QRICH1: variants seen among roughly 807,000 people sequenced by gnomAD.
QRICH1 encodes glutamine rich 1, also known as transcriptional regulator QRICH1.
A neutral mutation model predicts 87.1 loss-of-function variants in QRICH1; 16 were observed. The observed-to-expected ratio is 0.18, with a 90% CI of 0.12 to 0.28. QRICH1 has a LOEUF of 0.28. Ranked by LOEUF, QRICH1 falls within the 10% of genes least tolerant of loss-of-function variation. The probability of loss-of-function intolerance (pLI) is 1.00; values close to 1 mark genes in which losing one functional copy is unlikely to be tolerated. For missense variants in QRICH1, 647 were observed against 951.7 expected, an observed-to-expected ratio of 0.68 and a Z score of 4.21; for synonymous variants, 367 against 368.4, an observed-to-expected ratio of 1.00 and a Z score of 0.05.
At chr3:49,088,445 G>A (rs920893459) in intron 1 of QRICH1, among the ~76,000 whole-genome samples, 2 of 151,576 alleles carry the variant, frequency 1.3e-5, no homozygotes, top group South Asian at 2.1e-4. Flanking sequence ...ACAGGCGCAC[G>A]CCACCCAGCC....
intron 1 of QRICH1, among the ~76,000 whole-genome samples, chr3:49,080,093 T>C (rs1167649776): frequency 6.6e-6 from 1 of 151,730 alleles, no homozygotes; most frequent in African/African-American, 2.4e-5. Flanking sequence ...TATGAAACTC[T>C]AATATCTAAT....
At chr3:49,047,345 G>C in intron 3 of QRICH1, 99 bp from the exon 4 acceptor site, 1 of 1,177,482 alleles carries the variant, frequency 8.5e-7, no homozygotes, top group East Asian at 2.4e-5. Flanking sequence ...ATTTATTTAA[G>C]AAAATATTTC....
intron 3 of QRICH1, among the ~76,000 whole-genome samples, chr3:49,049,237 A>G (rs565137126): frequency 2.3e-4 from 35 of 151,426 alleles, no homozygotes; most frequent in Admixed American, 1.6e-3. Context: ...GCCACAGTTG[A>G]GCCATCATTT....
Position 49,033,271 on chromosome 3 carries a change from G to A in QRICH1, c.1787-43C>T, listed in dbSNP as rs565909066. ...CTGTCACAACAAGAGGATGGCAGGT[G>A]GTCTCTCAAAGGTACAATATGGGAT... On this transcript the variant is annotated intron_variant, in intron 6 of 9. Coordinates refer to ENST00000395443, the MANE Select transcript of QRICH1 (RefSeq NM_198880.3). The A allele has an allele frequency of 2.2e-5, 29 of 1,321,524 alleles. No homozygotes were observed. In the African/African-American group the frequency reaches 3.2e-4, roughly 14 times the overall value. The allele number at this position is 1,321,524 out of a possible 1,614,324, so 81.9% of individuals were successfully genotyped here. A position where few individuals can be genotyped will look rare whatever the true frequency, so the allele number is the denominator to read the frequency against.
At chr3:49,067,272 A>G (rs1232215432) in intron 2 of QRICH1, among the ~76,000 whole-genome samples, 2 of 152,156 alleles carry the variant, frequency 1.3e-5, no homozygotes, top group African/African-American at 2.4e-5. Context: ...ATAAGAGTTA[A>G]GAGTAAATTT....
At chr3:49,063,027 A>G (rs1447417218) in intron 2 of QRICH1, among the ~76,000 whole-genome samples, 1 of 151,582 alleles carries the variant, frequency 6.6e-6, no homozygotes, top group African/African-American at 2.4e-5. Context: ...AGGTTTTGAG[A>G]TCACAGACTT....
chr3:49,081,809 C>G (rs2042066595), intron 1 of QRICH1, among the ~76,000 whole-genome samples: 1 of 150,160 alleles, frequency 6.7e-6, no homozygotes, highest in Non-Finnish European at 1.5e-5. Context: ...CCGAAGCCTT[C>G]TATTTTTTTT....
intron 1 of QRICH1, among the ~76,000 whole-genome samples, chr3:49,084,397 G>A (rs1489661814): frequency 6.6e-6 from 1 of 151,292 alleles, no homozygotes; most frequent in East Asian, 2.0e-4. Flanking sequence ...CTGGGATTAC[G>A]GGCACCCGCC....
At chr3:49,035,594 G>A (rs2093269602) in intron 6 of QRICH1, among the ~76,000 whole-genome samples, 1 of 151,730 alleles carries the variant, frequency 6.6e-6, no homozygotes, top group Non-Finnish European at 1.5e-5. Context: ...CTTGAACCCA[G>A]GAGTTCAAGA....
chr3:49,079,930 G>A (rs546893061), intron 1 of QRICH1, among the ~76,000 whole-genome samples: 1 of 151,858 alleles, frequency 6.6e-6, no homozygotes, highest in Non-Finnish European at 1.5e-5. Context: ...TCGGGAGGCC[G>A]AGGCAGGAGA....
chr3:49,049,099 T>C (rs866276716), intron 3 of QRICH1, among the ~76,000 whole-genome samples: 12 of 151,990 alleles, frequency 7.9e-5, no homozygotes, highest in Middle Eastern at 3.4e-3. Context: ...ACGGCTGTTA[T>C]TGAACCATCT....
rs377518246 is a variant in QRICH1, at chr3:49,077,012, A to G, written c.6T>C (p.Asn2=). The G allele has an allele frequency of 6.1e-6, 9 of 1,475,930 alleles. No individual in the cohort carries two copies. Among genetic ancestry groups the G allele is most frequent in the Non-Finnish European group, 8.2e-6 (9 of 1,101,270 alleles). 91.4% of individuals were successfully genotyped at this position (1,475,930 alleles called of 1,614,324 possible). A position where few individuals can be genotyped will look rare whatever the true frequency, so the allele number is the denominator to read the frequency against. The part of the protein sequence containing the change: M[N]NSLENTISFE... ...AGGAGATGGTGTTCTCTAGGGAATT[A>G]TTCATATTGCAGAGTCCTTAGGGTT... The change falls in exon 2 of 10, where the codon AAT becomes AAC. Residue 2 remains asparagine (N), a synonymous_variant. Coordinates refer to ENST00000395443, the MANE Select transcript of QRICH1 (RefSeq NM_198880.3).
In QRICH1 at chr3:49,056,718, C is replaced by T. The variant is rs774196822; in HGVS notation, c.1338+144G>A. The T allele has an allele frequency of 5.1e-6, 7 of 1,371,736 alleles. No homozygotes were observed. The South Asian group carries it at 8.1e-5, about 16-fold the overall frequency. 85.0% of individuals were successfully genotyped at this position (1,371,736 alleles called of 1,614,324 possible). A position where few individuals can be genotyped will look rare whatever the true frequency, so the allele number is the denominator to read the frequency against. ...TGTTGCATAGCCTCACGTGATGTTTCTCCCCCTCTTCTCCCAAATACTAAA... is the reference window on the plus strand; with the variant it reads ...TGTTGCATAGCCTCACGTGATGTTTTTCCCCCTCTTCTCCCAAATACTAAA... On this transcript the variant is annotated intron_variant, in intron 3 of 9. Coordinates refer to ENST00000395443, the MANE Select transcript of QRICH1 (RefSeq NM_198880.3).
chr3:49,061,357 A>C (rs2093433798), intron 2 of QRICH1, among the ~76,000 whole-genome samples: 2 of 152,096 alleles, frequency 1.3e-5, no homozygotes, highest in Non-Finnish European at 2.9e-5. Context: ...CCAATAATTT[A>C]ATCTGAGCAA....
At chr3:49,087,837 A>AAAAAAAAAAAAAAAAAC (rs1283148564) in intron 1 of QRICH1, among the ~76,000 whole-genome samples, 3 of 149,510 alleles carry the variant, frequency 2.0e-5, no homozygotes, top group South Asian at 2.1e-4. Flanking sequence ...AAAAAAAAAA[A>AAAAAAAAAAAAAAAAAC]AAGAACAATG....
In QRICH1 at chr3:49,076,917, A is replaced by G; in HGVS notation, c.101T>C (p.Leu34Pro). The G allele has an allele frequency of 6.2e-7, 1 of 1,613,428 alleles. No individual in the cohort carries two copies. Among genetic ancestry groups the G allele is most frequent in the Non-Finnish European group, 8.5e-7 (1 of 1,179,568 alleles). Reference protein sequence around the residue: ...QHRMKEFLDSLASKGPEALQE... With the variant: ...QHRMKEFLDSPASKGPEALQE... ...AAGGGCTTCTGGCCCCTTAGAGGCC[A>G]GTGAGTCCAGAAATTCCTTCATCCT... is the stretch of plus-strand genomic sequence containing the variant. Residue 34 changes from leucine (L) to proline (P), a missense_variant, in exon 2 of 10, where the codon CTG (leucine) becomes CCG (proline). This residue lies in a region of QRICH1 where 56 missense variants were observed against 109.6 expected (regional missense o/e 0.51). Coordinates refer to ENST00000395443, the MANE Select transcript of QRICH1 (RefSeq NM_198880.3).
intron 3 of QRICH1, among the ~76,000 whole-genome samples, chr3:49,052,048 T>C (rs1348573318): frequency 3.3e-5 from 5 of 152,180 alleles, no homozygotes; most frequent in Non-Finnish European, 5.9e-5. Flanking sequence ...GGAAGTGACA[T>C]AATCTTGTAT....
chr3:49,094,167 G>A (rs1055515319), upstream of QRICH1: 15 of 395,908 alleles, frequency 3.8e-5, no homozygotes, highest in Non-Finnish European at 5.8e-5. Flanking sequence ...GCTTCAGCAG[G>A]GGAAGGTGGC....
chr3:49,053,271 G>C (rs1196666263), intron 3 of QRICH1, among the ~76,000 whole-genome samples: 1 of 151,968 alleles, frequency 6.6e-6, no homozygotes. Context: ...GGTGGATCAC[G>C]AGGTCAGGAG....
Sources: gnomAD v4.1 joint callset for allele counts (sites outside exome capture counted in the v4.1 genomes callset) on GRCh38, gnomAD v4.1.1 for gene constraint, gnomAD v4.1.1 regional missense constraint, MANE v1.5 for transcripts, NCBI Gene and HGNC (gene_info 2026-07-23, HGNC 2026-07-21) for gene names.